Variants in LPAR5 observed in about 807,000 individuals in gnomAD.
LPAR5 encodes G protein-coupled receptor 92.
For synonymous variants in LPAR5, 271 were observed against 261.6 expected (o/e 1.04, Z -0.35); for missense variants, 544 against 521.8 (o/e 1.04, Z -0.41).
In LPAR5 at chr12:6,619,974, C is replaced by G. The variant is rs1336691984; in HGVS notation, c.*156G>C. 11 of 1,046,150 alleles carry G rather than the reference C, an allele frequency of 1.1e-5. No homozygotes were observed. In the East Asian group the frequency reaches 2.6e-4, roughly 25 times the overall value. The allele number at this position is 1,046,150 out of a possible 1,614,324, so 64.8% of individuals were successfully genotyped here. A position where few individuals can be genotyped will look rare whatever the true frequency, so the allele number is the denominator to read the frequency against. On this transcript the variant is annotated 3_prime_UTR_variant, in exon 2 of 2. Coordinates refer to ENST00000329858, the MANE Select transcript of LPAR5 (RefSeq NM_020400.6). ...CCAGCAGCACTGCCTTCCCTGGGCCCTGGCTTCCACACTTTGTACTCTTCT... is the reference window on the plus strand; with the variant it reads ...CCAGCAGCACTGCCTTCCCTGGGCCGTGGCTTCCACACTTTGTACTCTTCT...
intron 1 of LPAR5, among the ~76,000 whole-genome samples, chr12:6,623,520 C>G (rs915309496): frequency 6.8e-6 from 1 of 146,356 alleles, no homozygotes; most frequent in African/African-American, 2.5e-5. Context: ...GGTGACAGAG[C>G]GAGACTCTGT....
At chr12:6,631,030 C>A (rs564513259) in intron 1 of LPAR5, among the ~76,000 whole-genome samples, 3 of 152,268 alleles carry the variant, frequency 2.0e-5, no homozygotes, top group South Asian at 2.1e-4. Flanking sequence ...CCCTCTCCCC[C>A]AATCCTGCCT....
At chr12:6,622,742 CA>C (rs554776501) in intron 1 of LPAR5, among the ~76,000 whole-genome samples, 4 of 146,136 alleles carry the variant, frequency 2.7e-5, no homozygotes, top group Non-Finnish European at 3.0e-5. Context: ...GACTCTGTCT[CA>C]AAAAAAAATA....
At chr12:6,625,976 T>A (rs1202124185) in intron 1 of LPAR5, among the ~76,000 whole-genome samples, 7 of 152,028 alleles carry the variant, frequency 4.6e-5, no homozygotes, top group Non-Finnish European at 1.5e-5. Flanking sequence ...AATTTTTAAA[T>A]TTTTTGTAGA....
At chr12:6,626,007 T>C (rs6489725) in intron 1 of LPAR5, among the ~76,000 whole-genome samples, 139,827 of 152,138 alleles carry the variant, frequency 0.92, 65,398 homozygotes, top group Non-Finnish European at 1. Flanking sequence ...CAGTGGCTCA[T>C]GCCTGTAATC....
rs1948865921 is a variant in LPAR5 at position 6,619,355 on chromosome 12, GAGAGA to G, written c.*770_*774del. The G allele has an allele frequency of 1.4e-5, 1 of 71,724 alleles. No homozygotes were observed. The highest frequency in any genetic ancestry group is 4.5e-5 in the Non-Finnish European group (1 of 22,002). 4.4% of individuals were successfully genotyped at this position (71,724 alleles called of 1,614,324 possible). A position where few individuals can be genotyped will look rare whatever the true frequency, so the allele number is the denominator to read the frequency against. ...GAGGGAGAGAGAGAGAAGAGGAGAA[GAGAGA>G]GGAGAGGAGAGGAGAGAGAAGAGAG... is the stretch of plus-strand genomic sequence containing the variant. On this transcript the variant is annotated 3_prime_UTR_variant, in exon 2 of 2. Coordinates refer to ENST00000329858, the MANE Select transcript of LPAR5 (RefSeq NM_020400.6).
Position 6,629,925 on chromosome 12 carries a change from G to A in LPAR5, c.-217+5982C>T, listed in dbSNP as rs540846908. Among the ~76,000 whole-genome samples the A allele has an allele frequency of 2.0e-5, 3 of 151,788 alleles. No individual in the cohort carries two copies. In the South Asian group the frequency reaches 6.2e-4, roughly 32 times the overall value. ...TGTAATCCCAGCTACTCGGGAGGCTGAGGCAGGAGAATCCCTTGAACCCAG... is the reference window on the plus strand; with the variant it reads ...TGTAATCCCAGCTACTCGGGAGGCTAAGGCAGGAGAATCCCTTGAACCCAG... On this transcript the variant is annotated intron_variant, in intron 1 of 1. Coordinates refer to ENST00000329858, the MANE Select transcript of LPAR5 (RefSeq NM_020400.6).
intron 1 of LPAR5, among the ~76,000 whole-genome samples, chr12:6,622,013 A>G (rs1055601778): frequency 3.3e-5 from 5 of 152,036 alleles, no homozygotes; most frequent in Non-Finnish European, 7.3e-5. Flanking sequence ...CTGTAATCCC[A>G]GCTACTCGGG....
chr12:6,628,445 T>G (rs1315516494), intron 1 of LPAR5, among the ~76,000 whole-genome samples: 1 of 151,440 alleles, frequency 6.6e-6, no homozygotes, highest in Non-Finnish European at 1.5e-5. Flanking sequence ...TTTCTTTCTT[T>G]CCTTCCTTCC....
rs1232874086 is a variant in LPAR5, at chr12:6,620,299, G to C, written c.950C>G (p.Ala317Gly). 1 of 1,606,158 alleles carries C rather than the reference G, an allele frequency of 6.2e-7. No individual in the cohort carries two copies. The highest frequency in any genetic ancestry group is 1.1e-5 in the South Asian group (1 of 90,500). ...CGTCCCGTTGGTGGCCGAGGTCCTG[G>C]CCCGGTGCGGAGTGCCCAGGCCGCG... ...TLRGLGTPHRARTSATNGTRA... is the reference protein window; with the variant it reads ...TLRGLGTPHRGRTSATNGTRA... Residue 317 changes from alanine (A) to glycine (G), a missense_variant, in exon 2 of 2, where the codon GCC becomes GGC. By Grantham distance (60) the Ala-to-Gly change is moderately conservative. Transcript: ENST00000329858. The surrounding 1 kb of genome is among the most constrained non-coding windows in gnomAD (Gnocchi z 6.8).
At chr12:6,624,252 C>T (rs752161256) in intron 1 of LPAR5, among the ~76,000 whole-genome samples, 1 of 151,990 alleles carries the variant, frequency 6.6e-6, no homozygotes, top group Admixed American at 6.6e-5. Context: ...CCAAGTGCTC[C>T]CCTAGCAGGT....
In LPAR5 at chr12:6,621,020, C is replaced by T. The variant is rs1237984402; in HGVS notation, c.229G>A (p.Val77Ile). Residue 77 changes from valine to isoleucine, a missense_variant, in exon 2 of 2, where the codon GTT becomes ATT. By Grantham distance (29) the Val-to-Ile change is conservative (BLOSUM62 3). Transcript: ENST00000329858. ...SDLLFTLSLP[V>I]RLSYYALHHW... The stretch of plus-strand genomic sequence containing the variant: ...TGCAGTGCGTAGTAGGAGAGACGAA[C>T]GGGCAGCGAGAGGGTGAAGAGCAGG... 3.1e-6 allele frequency: 5 copies of T among 1,611,260 alleles called. No individual in the cohort carries two copies. The highest frequency in any genetic ancestry group is 1.3e-5 in the African/African-American group (1 of 74,882).
chr12:6,628,806 A>G (rs901173007), intron 1 of LPAR5, among the ~76,000 whole-genome samples: 29 of 151,642 alleles, frequency 1.9e-4, no homozygotes, highest in Admixed American at 4.6e-4. Flanking sequence ...CTAATTTTGT[A>G]TTTTTAGTAG....
intron 1 of LPAR5, among the ~76,000 whole-genome samples, chr12:6,630,433 C>CTTTTTTTTTTTTTTTTTTTTTTTT (rs34529805): frequency 4.8e-5 from 2 of 41,824 alleles, no homozygotes; most frequent in Non-Finnish European, 8.7e-5. Context: ...CCCAGCCCAT[C>CTTTTTTTTTTTTTTTTTTTTTTTT]TTTTTTTTTT....
At chr12:6,624,562 C>A (rs2075196908) in intron 1 of LPAR5, among the ~76,000 whole-genome samples, 1 of 152,170 alleles carries the variant, frequency 6.6e-6, no homozygotes, top group Non-Finnish European at 1.5e-5. Flanking sequence ...TTTCACTTAG[C>A]ATAATGTTTC....
Position 6,619,714 on chromosome 12 carries a change from A to G in LPAR5, c.*416T>C. Reference sequence around the variant, plus strand: ...GACAGAAGTCAGCAGATGAACAGGCATCTCAGTAGCTTTGTCCACCAAACC... The same window carrying G: ...GACAGAAGTCAGCAGATGAACAGGCGTCTCAGTAGCTTTGTCCACCAAACC... On this transcript the variant is annotated 3_prime_UTR_variant, in exon 2 of 2. Coordinates refer to ENST00000329858, the MANE Select transcript of LPAR5 (RefSeq NM_020400.6). 1 of 359,254 alleles carries G rather than the reference A, an allele frequency of 2.8e-6. No individual in the cohort carries two copies. The highest frequency in any genetic ancestry group is 5.4e-6 in the Non-Finnish European group (1 of 183,530). 22.3% of individuals were successfully genotyped at this position (359,254 alleles called of 1,614,324 possible).
intron 1 of LPAR5, among the ~76,000 whole-genome samples, chr12:6,632,677 C>T (rs1045296541): frequency 6.6e-6 from 1 of 152,156 alleles, no homozygotes; most frequent in Non-Finnish European, 1.5e-5. Flanking sequence ...AAGCTCTGTC[C>T]CAGAGCTGTT....
chr12:6,632,455 C>T (rs1948985789), intron 1 of LPAR5, among the ~76,000 whole-genome samples: 1 of 152,150 alleles, frequency 6.6e-6, no homozygotes, highest in Non-Finnish European at 1.5e-5. Context: ...CACAGGAAGT[C>T]CCTCTTTAGT....
At chr12:6,629,727 A>G (rs535531241) in intron 1 of LPAR5, among the ~76,000 whole-genome samples, 9 of 151,648 alleles carry the variant, frequency 5.9e-5, no homozygotes, top group South Asian at 2.1e-4. Context: ...TTGAGCGGCT[A>G]CTTAAAGGTA....
Sources: gnomAD v4.1 joint callset for allele counts (sites outside exome capture counted in the v4.1 genomes callset) on GRCh38, gnomAD v4.1.1 for gene constraint, Gnocchi (gnomAD v3.1) non-coding constraint, MANE v1.5 for transcripts, NCBI Gene and HGNC (gene_info 2026-07-23, HGNC 2026-07-21) for gene names.